Variants in MPP7 observed in about 807,000 individuals in gnomAD.
The protein encoded by MPP7 is MAGUK p55 scaffold protein 7.
A neutral mutation model predicts 76.5 loss-of-function variants in MPP7; 60 were observed. The ratio of observed to expected loss-of-function variants is 0.78; its 90% confidence interval spans 0.64 to 0.97. The LOEUF (loss-of-function observed/expected upper bound fraction) is 0.97. MPP7 is among the 50% of genes least tolerant of loss of function. The pLI is 0.00. For missense variants in MPP7, 641 were observed against 694.0 expected (o/e 0.92, Z 0.86); for synonymous variants, 237 against 244.5 (o/e 0.97, Z 0.29).
intron 1 of MPP7, among the ~76,000 whole-genome samples, chr10:28,333,391 C>T (rs1210625782): frequency 6.6e-6 from 1 of 152,168 alleles, no homozygotes; most frequent in African/African-American, 2.4e-5. Context: ...GTGATCCACC[C>T]ATCTCAGCCT....
chr10:28,109,864 A>AC (rs1834445664), intron 11 of MPP7, among the ~76,000 whole-genome samples: 1 of 149,590 alleles, frequency 6.7e-6, no homozygotes, highest in East Asian at 1.9e-4. Flanking sequence ...AAAAAAAAAA[A>AC]AAAAAAAAAC....
intron 2 of MPP7, among the ~76,000 whole-genome samples, chr10:28,321,565 A>G (rs972892048): frequency 6.6e-6 from 1 of 152,286 alleles, no homozygotes; most frequent in Middle Eastern, 3.4e-3. Flanking sequence ...CCTTCAGATT[A>G]GGGTATTTTT....
At chr10:28,122,423 C>T (rs951501963) in intron 8 of MPP7, among the ~76,000 whole-genome samples, 1 of 152,142 alleles carries the variant, frequency 6.6e-6, no homozygotes, top group African/African-American at 2.4e-5. Flanking sequence ...CAAATTATTG[C>T]TTGAGGATTA....
chr10:28,277,638 A>G (rs1397497705), intron 1 of MPP7, among the ~76,000 whole-genome samples: 3 of 152,066 alleles, frequency 2.0e-5, no homozygotes, highest in Non-Finnish European at 4.4e-5. Context: ...TTATGCAAGG[A>G]AAGCTTTAAA....
In MPP7 at chr10:28,205,153, A is replaced by C. The variant is rs78280354; in HGVS notation, c.38-2882T>G. Among the ~76,000 whole-genome samples the C allele has an allele frequency of 4.4e-3, 666 of 152,248 alleles. 5 individuals are homozygous for C. The highest frequency in any genetic ancestry group is 0.015 in the African/African-American group (608 of 41,550). On this transcript the variant is annotated intron_variant, in intron 2 of 16. Transcript: ENST00000683449. ...GTAACCATGACCACAGCAAGAAAAG[A>C]CAGCACAGTGCCAACCAGAAATTAA...
intron 3 of MPP7, among the ~76,000 whole-genome samples, chr10:28,156,227 C>T (rs376353867): frequency 2.4e-4 from 36 of 152,110 alleles, no homozygotes; most frequent in African/African-American, 8.4e-4. Context: ...GGATAATAAT[C>T]GTATCTATTA....
intron 12 of MPP7, among the ~76,000 whole-genome samples, chr10:28,079,069 T>C (rs1202740193): frequency 1.3e-5 from 2 of 152,170 alleles, no homozygotes; most frequent in Non-Finnish European, 2.9e-5. Flanking sequence ...ATCTTGAAAT[T>C]GGTTGACATT....
chr10:28,307,963 C>G (rs1428258021), upstream of MPP7, among the ~76,000 whole-genome samples: 1 of 152,148 alleles, frequency 6.6e-6, no homozygotes, highest in Non-Finnish European at 1.5e-5. Context: ...TGGGTCTTTT[C>G]TTGGGTTCTT....
chr10:28,268,653 A>C (rs1294973845), intron 1 of MPP7, among the ~76,000 whole-genome samples: 1 of 152,016 alleles, frequency 6.6e-6, no homozygotes, highest in East Asian at 1.9e-4. Context: ...AATCATTTGA[A>C]CATGAGAGGC....
intron 2 of MPP7, among the ~76,000 whole-genome samples, chr10:28,326,834 A>G (rs901750112): frequency 6.6e-6 from 1 of 152,172 alleles, no homozygotes; most frequent in African/African-American, 2.4e-5. Flanking sequence ...TGCAAACCCC[A>G]GCTCCCGGGC....
intron 11 of MPP7, among the ~76,000 whole-genome samples, chr10:28,099,146 A>G (rs1853700245): frequency 6.6e-6 from 1 of 152,168 alleles, no homozygotes; most frequent in Non-Finnish European, 1.5e-5. Context: ...AGCTACAAAC[A>G]TGGCCATTAA....
chr10:28,243,433 G>A (rs1839337528), intron 1 of MPP7, among the ~76,000 whole-genome samples: 1 of 150,952 alleles, frequency 6.6e-6, no homozygotes, highest in African/African-American at 2.4e-5. Context: ...TATCAACATT[G>A]GGAAGATCTG....
chr10:28,297,116 A>G (rs1189463633), intron 1 of MPP7, among the ~76,000 whole-genome samples: 1 of 152,228 alleles, frequency 6.6e-6, no homozygotes, highest in Non-Finnish European at 1.5e-5. Flanking sequence ...TCCATTCCAG[A>G]CCACCTTAGT....
At chr10:28,124,924 G>T in intron 7 of MPP7, 86 bp downstream of exon 7, 1 of 1,085,698 alleles carries the variant, frequency 9.2e-7, no homozygotes, top group Non-Finnish European at 1.4e-6. Context: ...TAGATCCAAA[G>T]ATGGTTATCC....
intron 1 of MPP7, chr10:28,289,285 A>T (rs1840857137): frequency 6.7e-6 from 1 of 148,576 alleles, no homozygotes; most frequent in Non-Finnish European, 1.5e-5. Flanking sequence ...TGGGCAACAG[A>T]GCCAGACTCC....
chr10:28,296,357 A>G (rs970159389), intron 1 of MPP7, among the ~76,000 whole-genome samples: 18 of 152,122 alleles, frequency 1.2e-4, no homozygotes, highest in African/African-American at 4.3e-4. Context: ...GGTAAGAAAC[A>G]ATTTACTATT....
chr10:28,069,681 A>C (rs2133364133), intron 13 of MPP7, 91 bp downstream of exon 13: 1 of 1,102,526 alleles, frequency 9.1e-7, no homozygotes, highest in Non-Finnish European at 1.3e-6. Flanking sequence ...AAAATTTTAA[A>C]AACAAGTTAA....
chr10:28,080,421 C>T (rs1852704676), intron 12 of MPP7, among the ~76,000 whole-genome samples: 1 of 152,154 alleles, frequency 6.6e-6, no homozygotes, highest in Non-Finnish European at 1.5e-5. Flanking sequence ...AAAATCTATC[C>T]TGTCTGTGTC....
intron 1 of MPP7, among the ~76,000 whole-genome samples, chr10:28,290,190 T>C (rs1012150761): frequency 2.0e-5 from 3 of 152,156 alleles, no homozygotes; most frequent in African/African-American, 7.2e-5. Context: ...TATTAGTTTC[T>C]CTTGGAGCAA....
Sources: gnomAD v4.1 joint callset for allele counts (sites outside exome capture counted in the v4.1 genomes callset) on GRCh38, gnomAD v4.1.1 for gene constraint, MANE v1.5 for transcripts, NCBI Gene and HGNC (gene_info 2026-07-23, HGNC 2026-07-21) for gene names.